ACYP2: variants seen among roughly 807,000 people sequenced by gnomAD.
The protein encoded by ACYP2 is acylphosphatase 2.
In ACYP2, 12 loss-of-function variants were observed where a neutral mutation model predicts 11.2. That is an observed-to-expected ratio of 1.08 (90% CI 0.69 to 1.74). The LOEUF (loss-of-function observed/expected upper bound fraction) is 1.74, where lower values mean the gene tolerates loss of function less well. Among genes scored for constraint, ACYP2 ranks in the 40% most tolerant of loss-of-function variants. ACYP2 has a pLI of 0.00. For synonymous variants in ACYP2, 43 were observed against 32.2 expected (o/e 1.33, Z -1.13); for missense variants, 134 against 101.9 (o/e 1.31, Z -1.35).
intron 4 of ACYP2, among the ~76,000 whole-genome samples, chr2:54,073,114 G>A (rs566740998): frequency 7.9e-5 from 12 of 152,182 alleles, no homozygotes; most frequent in African/African-American, 2.9e-4. Context: ...TTTTGACAAC[G>A]GCGCTAAGAC....
intron 6 of ACYP2, among the ~76,000 whole-genome samples, chr2:54,283,584 T>G (rs1688939427): frequency 6.6e-6 from 1 of 152,238 alleles, no homozygotes; most frequent in Admixed American, 6.5e-5. Context: ...GCCCATGGTT[T>G]TAAACCGTGA....
chr2:54,281,000 A>T (rs1251286543), intron 6 of ACYP2, among the ~76,000 whole-genome samples: 2 of 152,196 alleles, frequency 1.3e-5, no homozygotes, highest in Non-Finnish European at 2.9e-5. Flanking sequence ...AAGAGGAGGA[A>T]TTTATCTCTA....
intron 6 of ACYP2, among the ~76,000 whole-genome samples, chr2:54,167,463 CG>C (rs1161243818): frequency 6.6e-6 from 1 of 152,046 alleles, no homozygotes; most frequent in African/African-American, 2.4e-5. Flanking sequence ...CAGAGAATAG[CG>C]TAATACCCAC....
At chr2:54,282,595 GT>G (rs1688897671) in intron 6 of ACYP2, among the ~76,000 whole-genome samples, 1 of 152,132 alleles carries the variant, frequency 6.6e-6, no homozygotes, top group Non-Finnish European at 1.5e-5. Flanking sequence ...AAAAACATTT[GT>G]TTTTGTTCTA....
intron 6 of ACYP2, among the ~76,000 whole-genome samples, chr2:54,202,191 C>T (rs1684865500): frequency 6.6e-6 from 1 of 152,148 alleles, no homozygotes; most frequent in African/African-American, 2.4e-5. Flanking sequence ...TCAGCTCACT[C>T]TCCGCCTCCC....
At chr2:54,287,968 C>G (rs1689148956) in intron 6 of ACYP2, among the ~76,000 whole-genome samples, 1 of 151,944 alleles carries the variant, frequency 6.6e-6, no homozygotes, top group South Asian at 2.1e-4. Context: ...GCTTGATTGT[C>G]TTGGAGAACA....
intron 2 of ACYP2, among the ~76,000 whole-genome samples, chr2:54,005,733 C>T (rs1263203567): frequency 1.3e-5 from 2 of 152,136 alleles, no homozygotes; most frequent in African/African-American, 4.8e-5. Flanking sequence ...TGTAGCTTTA[C>T]AGTAAAGTCT....
chr2:54,076,656 G>T (rs919559793), intron 4 of ACYP2, among the ~76,000 whole-genome samples: 1 of 152,134 alleles, frequency 6.6e-6, no homozygotes, highest in African/African-American at 2.4e-5. Context: ...AGAAAGAAAG[G>T]CCAGAGTGTT....
At chr2:54,185,574 A>C (rs1029373277) in intron 6 of ACYP2, among the ~76,000 whole-genome samples, 3 of 152,238 alleles carry the variant, frequency 2.0e-5, no homozygotes, top group African/African-American at 7.2e-5. Context: ...AGAATGAGGA[A>C]TTAAAAATCC....
intron 6 of ACYP2, among the ~76,000 whole-genome samples, chr2:54,299,983 A>G (rs1438282753): frequency 1.3e-5 from 2 of 152,192 alleles, no homozygotes; most frequent in Non-Finnish European, 2.9e-5. Context: ...ACTTTATTCA[A>G]TCCCTCAACT....
chr2:54,155,923 A>G (rs371208641), intron 6 of ACYP2, among the ~76,000 whole-genome samples: 1 of 152,206 alleles, frequency 6.6e-6, no homozygotes, highest in Non-Finnish European at 1.5e-5. Flanking sequence ...ATCAGAGAAG[A>G]TACTTGAAAT....
At chr2:54,161,224 A>T (rs1682696419) in intron 6 of ACYP2, among the ~76,000 whole-genome samples, 1 of 152,222 alleles carries the variant, frequency 6.6e-6, no homozygotes, top group Non-Finnish European at 1.5e-5. Context: ...GCCAATCTGC[A>T]TATCAGAATC....
intron 6 of ACYP2, among the ~76,000 whole-genome samples, chr2:54,266,590 CTTTTTTTTTTTTTTTTTTTTTTTT>C (rs138812389): frequency 1.9e-5 from 1 of 52,242 alleles, no homozygotes; most frequent in Non-Finnish European, 3.3e-5. Context: ...ATCTATCTAT[CTTTTTTTTTTTTTTTTTTTTTTTT>C]TTTTTTTTTG....
chr2:54,152,567 C>G (rs1206102917), intron 6 of ACYP2, among the ~76,000 whole-genome samples: 2 of 152,196 alleles, frequency 1.3e-5, no homozygotes, highest in African/African-American at 4.8e-5. Flanking sequence ...TTCTCTCCCT[C>G]TAGCCCCTGA....
chr2:53,992,683 T>A (rs1311245036), intron 2 of ACYP2, among the ~76,000 whole-genome samples: 1 of 151,570 alleles, frequency 6.6e-6, no homozygotes, highest in East Asian at 2.0e-4. Context: ...ATACAAAAAT[T>A]AGCTGGGCAT....
intron 6 of ACYP2, among the ~76,000 whole-genome samples, chr2:54,299,619 A>G (rs985497338): frequency 2.6e-5 from 4 of 151,922 alleles, no homozygotes; most frequent in Non-Finnish European, 2.9e-5. Flanking sequence ...GAAAAGAAAA[A>G]AAAGAAAACC....
chr2:54,212,443 G>A (rs990124582), intron 6 of ACYP2, among the ~76,000 whole-genome samples: 3 of 152,182 alleles, frequency 2.0e-5, no homozygotes, highest in African/African-American at 7.2e-5. Flanking sequence ...ACGGCTGACT[G>A]AGAATGCATT....
At chr2:54,074,378 A>C (rs112814934) in intron 4 of ACYP2, among the ~76,000 whole-genome samples, 1,661 of 152,236 alleles carry the variant, frequency 0.011, 38 homozygotes, top group African/African-American at 0.038. Context: ...TGGGAGGATC[A>C]CATGAGTCCA....
intron 2 of ACYP2, among the ~76,000 whole-genome samples, chr2:54,003,363 G>A (rs954960289): frequency 3.3e-5 from 5 of 151,450 alleles, no homozygotes; most frequent in African/African-American, 9.7e-5. Context: ...AAGTTCAAGC[G>A]ATTCTCCTGC....
Sources: gnomAD v4.1 joint callset for allele counts (sites outside exome capture counted in the v4.1 genomes callset) on GRCh38, gnomAD v4.1.1 for gene constraint, MANE v1.5 for transcripts, NCBI Gene and HGNC (gene_info 2026-07-23, HGNC 2026-07-21) for gene names.